Variants in AKAP13 observed in about 807,000 individuals in gnomAD.
AKAP13 encodes A-kinase anchoring protein 13, also known as A-kinase anchor protein 13.
In AKAP13, 80 loss-of-function variants were observed where a neutral mutation model predicts 264.5. The observed-to-expected ratio is 0.30, with a 90% CI of 0.25 to 0.36. AKAP13 has a LOEUF of 0.36. Ranked by LOEUF, AKAP13 falls within the 10% of genes least tolerant of loss-of-function variation. The probability of loss-of-function intolerance (pLI) is 1.00; values close to 1 mark genes in which losing one functional copy is unlikely to be tolerated. For synonymous variants in AKAP13, 1,380 were observed against 1,250.2 expected (o/e 1.10, Z -2.19); for missense variants, 3,712 against 3,435.2 (o/e 1.08, Z -2.01).
At chr15:85,732,480 ACAT>A (rs1413402676) in intron 30 of AKAP13, among the ~76,000 whole-genome samples, 2 of 149,846 alleles carry the variant, frequency 1.3e-5, no homozygotes, top group Non-Finnish European at 3.0e-5. Context: ...TATATGTTTT[ACAT>A]CATATATAAT....
Position 85,735,041 on chromosome 15 carries a change from G to A in AKAP13, c.7332G>A (p.Gly2444=), listed in dbSNP as rs1567221289. The change falls in exon 31 of 37, where the codon GGG becomes GGA. Residue 2444 remains glycine (G), a synonymous_variant. Transcript: ENST00000394518. The part of the protein sequence containing the change: ...LVSGNLGGTL[G]PTVSSPIEQD... The stretch of plus-strand genomic sequence containing the variant: ...GTGGAAATCTGGGAGGCACACTTGG[G>A]CCGACTGTCAGCAGCCCCATTGAGC... 6.2e-7 allele frequency: 1 copy of A among 1,614,198 alleles called. No homozygotes were observed. Among genetic ancestry groups the A allele is most frequent in the Non-Finnish European group, 8.5e-7 (1 of 1,180,028 alleles).
In AKAP13 at chr15:85,515,734, T is replaced by G. The variant is rs1262150200; in HGVS notation, c.34-5694T>G. On this transcript the variant is annotated intron_variant, in intron 2 of 36. Transcript: ENST00000394518. The stretch of plus-strand genomic sequence containing the variant: ...AGTTTGTCTGATGTTTTCTCATGAC[T>G]AGATTGAAGTTATGCATTTTTGTTA... 1.4e-5 allele frequency among the ~76,000 whole-genome samples: 2 copies of G among 138,690 alleles called. 1 individual carries two copies. The highest frequency in any genetic ancestry group is 5.8e-5 in the African/African-American group (2 of 34,592). 91.0% of individuals were successfully genotyped at this position (138,690 alleles called of 152,430 possible). A position where few individuals can be genotyped will look rare whatever the true frequency, so the allele number is the denominator to read the frequency against.
At chr15:85,710,110 A>T (rs1280173327) in intron 18 of AKAP13, among the ~76,000 whole-genome samples, 1 of 152,256 alleles carries the variant, frequency 6.6e-6, no homozygotes, top group Non-Finnish European at 1.5e-5. Context: ...GTATTAACTA[A>T]AATTAGTATT....
intron 1 of AKAP13, among the ~76,000 whole-genome samples, chr15:85,458,104 C>T (rs573534067): frequency 1.3e-5 from 2 of 148,678 alleles, no homozygotes; most frequent in South Asian, 2.1e-4. Context: ...TGCGCCACTG[C>T]ACTCCTGCCT....
chr15:85,679,992 A>G (rs780648465), intron 14 of AKAP13, among the ~76,000 whole-genome samples: 1 of 152,216 alleles, frequency 6.6e-6, no homozygotes, highest in African/African-American at 2.4e-5. Context: ...AATTTTTAGC[A>G]GTGGAAAAGT....
chr15:85,685,534 G>C (rs192636892), intron 16 of AKAP13: 1 of 152,026 alleles, frequency 6.6e-6, no homozygotes, highest in Non-Finnish European at 1.5e-5. Flanking sequence ...ACCCAGGCTG[G>C]AGCACAGTGG....
intron 2 of AKAP13, among the ~76,000 whole-genome samples, chr15:85,512,112 G>A (rs570643815): frequency 4.3e-4 from 65 of 151,242 alleles, no homozygotes; most frequent in African/African-American, 1.4e-3. Flanking sequence ...ATTAATATTC[G>A]GCATAAGCTC....
At chr15:85,618,750 G>A (rs994846522) in intron 8 of AKAP13, among the ~76,000 whole-genome samples, 1 of 152,102 alleles carries the variant, frequency 6.6e-6, no homozygotes, top group African/African-American at 2.4e-5. Flanking sequence ...ATACTTAGTC[G>A]CAACAAATAT....
In AKAP13 at chr15:85,609,855, C is replaced by T. The variant is rs141678495; in HGVS notation, c.4161+24032C>T. ...CTCTTCCATTTTCTCTGTTTCCTTC[C>T]GTTTATTTTAAAACAGCATCTTTTC... On this transcript the variant is annotated intron_variant, in intron 8 of 36. Transcript: ENST00000394518. Among the ~76,000 whole-genome samples, 494 of 152,308 alleles carry T rather than the reference C, an allele frequency of 3.2e-3. 4 individuals are homozygous for T. The highest frequency in any genetic ancestry group is 5.0e-3 in the Non-Finnish European group (342 of 68,028).
In AKAP13 at chr15:85,519,877, G is replaced by A. The variant is rs548522250; in HGVS notation, c.34-1551G>A. Reference sequence around the variant, plus strand: ...GCTTAGTAAATTGTGACCACAGGGTGGTATGTTTCTCTTGTTGGCTTTAAT... The same window carrying A: ...GCTTAGTAAATTGTGACCACAGGGTAGTATGTTTCTCTTGTTGGCTTTAAT... On this transcript the variant is annotated intron_variant, in intron 2 of 36. Transcript: ENST00000394518. Among the ~76,000 whole-genome samples the A allele has an allele frequency of 3.3e-5, 5 of 152,190 alleles. No homozygotes were observed. In the South Asian group the frequency reaches 1.0e-3, roughly 32 times the overall value.
In AKAP13 at chr15:85,741,127, C is replaced by T. The variant is rs1037439951; in HGVS notation, c.7690C>T (p.Arg2564Cys). The T allele has an allele frequency of 2.5e-6, 4 of 1,613,482 alleles. No homozygotes were observed. The highest frequency in any genetic ancestry group is 1.3e-5 in the African/African-American group (1 of 74,932). ...GAGGGCGCTCACTCGCAGCTTGTCC[C>T]GCCCGAGCTCCCTCATTGAGCAGGA... ...SERALTRSLS[R>C]PSSLIEQEKQ... is the part of the protein sequence containing the mutation. The change falls in exon 35 of 37, where the codon CGC (arginine) becomes TGC (cysteine). Residue 2564 changes from arginine to cysteine, a missense_variant. This residue lies in a region of AKAP13 where 611 missense variants were observed against 539.3 expected (regional missense o/e 1.13). Coordinates refer to ENST00000394518, the MANE Select transcript of AKAP13 (RefSeq NM_007200.5).
At chr15:85,699,296 T>G (rs893573488) in intron 17 of AKAP13, among the ~76,000 whole-genome samples, 5 of 150,314 alleles carry the variant, frequency 3.3e-5, no homozygotes, top group Admixed American at 1.3e-4. Flanking sequence ...AACAAAAAAT[T>G]AGCTGGGCGT....
chr15:85,723,386 T>A, intron 26 of AKAP13, 66 bp downstream of exon 26: 1 of 1,572,606 alleles, frequency 6.4e-7, no homozygotes, highest in Non-Finnish European at 8.6e-7. Context: ...CAAGTGCTTT[T>A]GTTGGAAATT....
chr15:85,643,466 T>G (rs1160160579), intron 9 of AKAP13, among the ~76,000 whole-genome samples: 1 of 152,218 alleles, frequency 6.6e-6, no homozygotes, highest in African/African-American at 2.4e-5. Context: ...TACTTAACTG[T>G]TAATTAGAAG....
At chr15:85,679,787 T>C (rs1021027163) in intron 14 of AKAP13, among the ~76,000 whole-genome samples, 7 of 152,238 alleles carry the variant, frequency 4.6e-5, no homozygotes, top group African/African-American at 7.2e-5. Flanking sequence ...AATAATACTT[T>C]GCAGGCTAAC....
chr15:85,560,643 A>G (rs1043613563), intron 5 of AKAP13, among the ~76,000 whole-genome samples: 6 of 146,710 alleles, frequency 4.1e-5, no homozygotes, highest in South Asian at 2.2e-4. Flanking sequence ...GTCTTTATAA[A>G]TATTTTTGAG....
At chr15:85,615,160 A>C (rs193090785) in intron 8 of AKAP13, among the ~76,000 whole-genome samples, 1 of 152,228 alleles carries the variant, frequency 6.6e-6, no homozygotes, top group East Asian at 1.9e-4. Context: ...TGTTATTTTA[A>C]TTGTTGCTAT....
intron 2 of AKAP13, among the ~76,000 whole-genome samples, chr15:85,491,400 A>G (rs570235051): frequency 6.6e-6 from 1 of 151,712 alleles, no homozygotes; most frequent in East Asian, 1.9e-4. Context: ...CTTTTGAGGA[A>G]AAAATAGTTT....
intron 5 of AKAP13, among the ~76,000 whole-genome samples, chr15:85,558,219 A>G (rs2078221509): frequency 6.6e-6 from 1 of 152,236 alleles, no homozygotes; most frequent in African/African-American, 2.4e-5. Context: ...GAGTAAATCA[A>G]TGTTATATGT....
Sources: gnomAD v4.1 joint callset for allele counts (sites outside exome capture counted in the v4.1 genomes callset) on GRCh38, gnomAD v4.1.1 for gene constraint, gnomAD v4.1.1 regional missense constraint, MANE v1.5 for transcripts, NCBI Gene and HGNC (gene_info 2026-07-23, HGNC 2026-07-21) for gene names.